AGO3: variants seen among roughly 807,000 people sequenced by gnomAD.
AGO3 encodes the protein protein argonaute-3.
In AGO3, 16 loss-of-function variants were observed where a neutral mutation model predicts 105.5. That is an observed-to-expected ratio of 0.15 (90% CI 0.10 to 0.23). The LOEUF (loss-of-function observed/expected upper bound fraction) is 0.23. Ranked by LOEUF, AGO3 falls within the 10% of genes least tolerant of loss-of-function variation. AGO3 has a pLI of 1.00. For missense variants in AGO3, 534 were observed against 1,088.0 expected (o/e 0.49, Z 7.16); for synonymous variants, 340 against 367.3 (o/e 0.93, Z 0.85).
chr1:36,010,234 C>T (rs1197917766), intron 9 of AGO3, among the ~76,000 whole-genome samples: 2 of 151,948 alleles, frequency 1.3e-5, no homozygotes, highest in African/African-American at 4.8e-5. Flanking sequence ...CCACCGCACC[C>T]GGCCAATACT....
chr1:35,995,704 G>A (rs577039657), intron 5 of AGO3, among the ~76,000 whole-genome samples: 1 of 152,226 alleles, frequency 6.6e-6, no homozygotes, highest in South Asian at 2.1e-4. Context: ...TTTCGAGACA[G>A]GATCTCCCTA....
Position 36,014,125 on chromosome 1 carries a change from A to G in AGO3, c.1406+77A>G, listed in dbSNP as rs1004654434. 3.8e-6 allele frequency: 6 copies of G among 1,572,722 alleles called. No homozygotes were observed. In the African/African-American group the frequency reaches 5.5e-5, roughly 14 times the overall value. The stretch of plus-strand genomic sequence containing the variant: ...AATTACTCATCTAATGTTCTAACAG[A>G]TGTTGCCTTAATATGAAGTATATGT... On this transcript the variant is annotated intron_variant, in intron 11 of 18. Coordinates refer to ENST00000373191, the MANE Select transcript of AGO3 (RefSeq NM_024852.4).
At position 36,067,839 on chromosome 1, in the gene AGO3, AGAAG is replaced by A. The variant is rs1643114348; in HGVS notation, c.*12098_*12101del. 1 of 152,064 alleles carries A rather than the reference AGAAG, an allele frequency of 6.6e-6. No homozygotes were observed. The highest frequency in any genetic ancestry group is 6.6e-5 in the Admixed American group (1 of 15,250). The allele number at this position is 152,064 out of a possible 1,614,324, so 9.4% of individuals were successfully genotyped here. ...AGACTCCGTCTCAAAAAAAAAAAAA[AGAAG>A]GAATAGGAAAAGGACTTAGAGGCAG... On this transcript the variant is annotated 3_prime_UTR_variant, in exon 19 of 19. Transcript: ENST00000373191.
chr1:35,938,766 AG>A (rs1443082176), intron 1 of AGO3, among the ~76,000 whole-genome samples: 1 of 152,222 alleles, frequency 6.6e-6, no homozygotes, highest in African/African-American at 2.4e-5. Context: ...TGAATATTAA[AG>A]AAAATGTTTC....
At position 36,036,216 on chromosome 1, in the gene AGO3, C is replaced by T. The variant is rs151098893; in HGVS notation, c.1791C>T (p.Ala597=). The change falls in exon 14 of 19, where the codon GCC becomes GCT. Residue 597 remains alanine, a synonymous_variant. Coordinates refer to ENST00000373191, the MANE Select transcript of AGO3 (RefSeq NM_024852.4). ...VFQQPVIFLG[A]DVTHPPAGDG... ...AGCAACCAGTGATCTTTTTGGGAGC[C>T]GATGTCACTCATCCACCTGCTGGTG... 6.9e-5 allele frequency: 111 copies of T among 1,614,032 alleles called. No individual in the cohort carries two copies. Among genetic ancestry groups the T allele is most frequent in the African/African-American group, 6.1e-4 (46 of 75,016 alleles).
intron 11 of AGO3, 58 bp downstream of exon 11, chr1:36,014,106 T>C: frequency 6.2e-7 from 1 of 1,604,996 alleles, no homozygotes; most frequent in South Asian, 1.1e-5. Flanking sequence ...TTTAAATTAC[T>C]CATCTAATGT....
chr1:35,998,654 C>T (rs942356081), intron 5 of AGO3, among the ~76,000 whole-genome samples: 3 of 152,034 alleles, frequency 2.0e-5, no homozygotes, highest in Admixed American at 6.6e-5. Context: ...TTCTATGAAA[C>T]GTTTGCTCAT....
chr1:35,976,355 C>G (rs1646957293), intron 5 of AGO3, among the ~76,000 whole-genome samples: 1 of 151,924 alleles, frequency 6.6e-6, no homozygotes, highest in African/African-American at 2.4e-5. Context: ...TTCTCTCTTT[C>G]TGTGTTATTG....
intron 5 of AGO3, among the ~76,000 whole-genome samples, chr1:35,992,867 C>T (rs1438755919): frequency 6.6e-6 from 1 of 152,130 alleles, no homozygotes; most frequent in Non-Finnish European, 1.5e-5. Context: ...CATCTCAAGT[C>T]CTTACAGGGC....
In AGO3 at chr1:35,976,230, C is replaced by T. The variant is rs60505091; in HGVS notation, c.658+2719C>T. ...GATTACAGGCGTGAGCCACTGCACCCAGGCCATTTCTTGTTATTCCAGGAT... is the reference window on the plus strand; with the variant it reads ...GATTACAGGCGTGAGCCACTGCACCTAGGCCATTTCTTGTTATTCCAGGAT... On this transcript the variant is annotated intron_variant, in intron 5 of 18. Coordinates refer to ENST00000373191, the MANE Select transcript of AGO3 (RefSeq NM_024852.4). Among the ~76,000 whole-genome samples the T allele has an allele frequency of 7.1e-3, 1,086 of 152,252 alleles. 10 individuals are homozygous for T. Among genetic ancestry groups the T allele is most frequent in the African/African-American group, 0.025 (1,028 of 41,548 alleles).
At chr1:36,043,185 A>C (rs1642320933) in intron 16 of AGO3, 1 of 360,720 alleles carries the variant, frequency 2.8e-6, no homozygotes, top group Non-Finnish European at 4.9e-6. Context: ...AGTGTCTTCC[A>C]CCCATAGTGG....
intron 10 of AGO3, 59 bp from the exon 11 acceptor site, chr1:36,013,856 T>C (rs1640744000): frequency 6.2e-7 from 1 of 1,602,216 alleles, no homozygotes; most frequent in Non-Finnish European, 8.5e-7. Flanking sequence ...AATGTTTACT[T>C]TCTGTTTATT....
At chr1:36,004,523 A>T in intron 6 of AGO3, 48 bp downstream of exon 6, 1 of 1,461,452 alleles carries the variant, frequency 6.8e-7, no homozygotes, top group South Asian at 1.5e-5. Context: ...ATGCATGGAT[A>T]TAACAACCTT....
intron 5 of AGO3, among the ~76,000 whole-genome samples, chr1:36,000,082 G>T (rs148393265): frequency 2.6e-5 from 4 of 152,070 alleles, no homozygotes; most frequent in South Asian, 4.1e-4. Context: ...CTATGGAAAT[G>T]ATTATATGCT....
chr1:35,947,934 G>A (rs1571417071), intron 2 of AGO3, among the ~76,000 whole-genome samples: 1 of 152,176 alleles, frequency 6.6e-6, no homozygotes, highest in African/African-American at 2.4e-5. Context: ...CCATGGGCCT[G>A]TAGTCCCAGC....
chr1:35,979,391 T>A (rs547544427), intron 5 of AGO3, among the ~76,000 whole-genome samples: 41 of 152,046 alleles, frequency 2.7e-4, no homozygotes, highest in Non-Finnish European at 4.9e-4. Flanking sequence ...TTTGTATTTT[T>A]CCTTTTAGAG....
chr1:36,001,294 AAAAT>A (rs1396525718), intron 5 of AGO3, among the ~76,000 whole-genome samples: 5 of 152,124 alleles, frequency 3.3e-5, no homozygotes, highest in African/African-American at 9.7e-5. Context: ...GTATACCAAA[AAAAT>A]AAATACATAC....
chr1:36,036,056 T>G, intron 13 of AGO3, 121 bp from the exon 14 acceptor site: 2 of 754,166 alleles, frequency 2.7e-6, no homozygotes, highest in South Asian at 4.3e-5. Flanking sequence ...AAAAAAAATT[T>G]GGATTACATA....
chr1:36,004,565 C>T, intron 6 of AGO3, 90 bp downstream of exon 6: 1 of 1,184,246 alleles, frequency 8.4e-7, no homozygotes, highest in Non-Finnish European at 1.1e-6. Flanking sequence ...TAATTAAAAT[C>T]TATGTAACAT....
Sources: allele counts gnomAD v4.1 joint callset (sites outside exome capture counted in the v4.1 genomes callset), GRCh38; gene constraint gnomAD v4.1.1; transcripts MANE v1.5; gene names NCBI Gene and HGNC (gene_info 2026-07-23, HGNC 2026-07-21).